ECM2: variants seen among roughly 807,000 people sequenced by gnomAD.
ECM2 encodes the protein extracellular matrix protein 2.
ECM2 carries 57 observed loss-of-function variants against 67.5 expected under a neutral mutation model. The ratio of observed to expected loss-of-function variants is 0.84; its 90% CI spans 0.68 to 1.05. ECM2 has a LOEUF of 1.05. Among genes scored for constraint, ECM2 ranks in the 50% least tolerant of loss-of-function variants. ECM2 has a pLI of 0.00. For missense variants in ECM2, 741 were observed against 822.8 expected (o/e 0.90, Z 1.22); for synonymous variants, 258 against 294.5 (o/e 0.88, Z 1.27).
In ECM2 at chr9:92,496,124, A is replaced by T. The variant is rs912890582; in HGVS notation, c.*191T>A. ...GAAACTGAGAGATTTTACCTTTACT[A>T]TTAATAAAACTCCTAGAGACTATAC... On this transcript the variant is annotated 3_prime_UTR_variant, in exon 10 of 10. Transcript: ENST00000344604. The T allele has an allele frequency of 2.5e-6, 3 of 1,222,946 alleles. No individual in the cohort carries two copies. In the Admixed American group the frequency reaches 1.4e-4, roughly 56 times the overall value. The allele number at this position is 1,222,946 out of a possible 1,614,324, so 75.8% of individuals were successfully genotyped here.
chr9:92,538,955 G>A (rs1849252392), upstream of ECM2: 2 of 151,966 alleles, frequency 1.3e-5, no homozygotes, highest in Admixed American at 6.6e-5. Flanking sequence ...TTTTTTTTAA[G>A]GATGCAATTG....
At chr9:92,500,197 T>C (rs548733451) in intron 9 of ECM2, among the ~76,000 whole-genome samples, 3 of 152,328 alleles carry the variant, frequency 2.0e-5, no homozygotes, top group African/African-American at 7.2e-5. Flanking sequence ...TTAATCTTTT[T>C]TTTGAGATGG....
intron 4 of ECM2, among the ~76,000 whole-genome samples, chr9:92,513,873 G>A: frequency 6.6e-6 from 1 of 152,040 alleles, no homozygotes; most frequent in East Asian, 1.9e-4. Context: ...TCAAAACTCA[G>A]AACTATATAC....
intron 2 of ECM2, among the ~76,000 whole-genome samples, chr9:92,520,602 C>T (rs888674614): frequency 2.8e-4 from 43 of 152,260 alleles, no homozygotes; most frequent in African/African-American, 1.0e-3. Flanking sequence ...CAGTTCCCCT[C>T]CTAAGTATAT....
At chr9:92,546,190 C>A in the ECM2 span, among the ~76,000 whole-genome samples, 2 of 152,138 alleles carry the variant, frequency 1.3e-5, no homozygotes, top group African/African-American at 2.4e-5. Context: ...CCAGTCAGTA[C>A]CCTGTCAAAA....
Position 92,495,754 on chromosome 9 carries a change from T to C in ECM2, c.*561A>G, listed in dbSNP as rs2131132411. ...AGGAAATTAACATTACAGTAGTGTT[T>C]TAATTTTACACATGTAATTAATGGA... On this transcript the variant is annotated 3_prime_UTR_variant, in exon 10 of 10. Transcript: ENST00000344604. 3.2e-6 allele frequency: 3 copies of C among 939,452 alleles called. No homozygotes were observed. The South Asian group carries it at 1.5e-4, about 46-fold the overall frequency. The allele number at this position is 939,452 out of a possible 1,614,324, so 58.2% of individuals were successfully genotyped here.
intron 4 of ECM2, among the ~76,000 whole-genome samples, chr9:92,513,634 A>G (rs1022718128): frequency 6.6e-6 from 1 of 152,230 alleles, no homozygotes; most frequent in African/African-American, 2.4e-5. Flanking sequence ...CTGATACACA[A>G]AACAAAATGG....
chr9:92,526,677 A>T (rs911146692), intron 1 of ECM2, among the ~76,000 whole-genome samples: 12 of 152,002 alleles, frequency 7.9e-5, no homozygotes, highest in Non-Finnish European at 1.6e-4. Flanking sequence ...CAAAGAAAAA[A>T]AAGAGGAATG....
At chr9:92,533,328 A>AAAAAAAAAT (rs1554683138) in intron 1 of ECM2, among the ~76,000 whole-genome samples, 9 of 38,338 alleles carry the variant, frequency 2.3e-4, no homozygotes, top group East Asian at 7.4e-4. Flanking sequence ...AAAAAAAAAA[A>AAAAAAAAAT]ATATATATAT....
chr9:92,494,023 T>G, downstream of ECM2: 1 of 1,565,360 alleles, frequency 6.4e-7, no homozygotes, highest in Non-Finnish European at 8.7e-7. Flanking sequence ...TGTCACCCAT[T>G]TTTCTGACTG....
At position 92,500,829 on chromosome 9, in the gene ECM2, A is replaced by G; in HGVS notation, c.1829T>C (p.Leu610Pro). The change falls in exon 9 of 10, where the codon CTG becomes CCG. Residue 610 changes from leucine to proline, a missense_variant. By Grantham distance (98) the Leu-to-Pro change is moderately conservative. Coordinates refer to ENST00000344604, the MANE Select transcript of ECM2 (RefSeq NM_001393.4). ...ATTGTGATCCAGAAATAATTCTCTC[A>G]GAGAATGATATGCCCCATAGAAGGA... ...RVSFYGAYHS[L>P]RELFLDHNDL... 1 of 1,614,224 alleles carries G rather than the reference A, an allele frequency of 6.2e-7. No individual in the cohort carries two copies. Among genetic ancestry groups the G allele is most frequent in the Non-Finnish European group, 8.5e-7 (1 of 1,180,038 alleles).
At chr9:92,544,402 G>C in the ECM2 span, among the ~76,000 whole-genome samples, 2 of 152,312 alleles carry the variant, frequency 1.3e-5, no homozygotes, top group Admixed American at 1.3e-4. Context: ...CTTGAATCTT[G>C]GAGGCAGAGG....
In ECM2 at chr9:92,500,686, A is replaced by T. The variant is rs1210935102; in HGVS notation, c.1931+41T>A. The T allele has an allele frequency of 4.5e-6, 7 of 1,563,874 alleles. No individual in the cohort carries two copies. In the East Asian group the frequency reaches 1.6e-4, roughly 35 times the overall value. ...TGGTTGTTTTATCATATATTTTGCC[A>T]ACCAAAATTTAAACAGATACTTGAA... On this transcript the variant is annotated intron_variant, in intron 9 of 9. Coordinates refer to ENST00000344604, the MANE Select transcript of ECM2 (RefSeq NM_001393.4).
chr9:92,556,880 G>A, the ECM2 span, among the ~76,000 whole-genome samples: 1 of 151,846 alleles, frequency 6.6e-6, no homozygotes, highest in African/African-American at 2.4e-5. Context: ...GGGTTTTTTT[G>A]TTTTTTGCTT....
At chr9:92,509,569 AC>A (rs1266087208) in intron 6 of ECM2, among the ~76,000 whole-genome samples, 1 of 152,170 alleles carries the variant, frequency 6.6e-6, no homozygotes, top group African/African-American at 2.4e-5. Flanking sequence ...GATCCATAAC[AC>A]AAAACACATG....
At chr9:92,518,814 A>G (rs1056533977) in intron 2 of ECM2, among the ~76,000 whole-genome samples, 5 of 152,152 alleles carry the variant, frequency 3.3e-5, no homozygotes, top group African/African-American at 1.2e-4. Context: ...GCTTGAACCC[A>G]GGAGGTGGAG....
At chr9:92,506,056 G>T (rs987146028) in intron 6 of ECM2, among the ~76,000 whole-genome samples, 1 of 152,236 alleles carries the variant, frequency 6.6e-6, no homozygotes, top group African/African-American at 2.4e-5. Flanking sequence ...TGGAATTCAG[G>T]TAGGAAAGGA....
At position 92,532,032 on chromosome 9, in the gene ECM2, TTA is replaced by T. The variant is rs1466785567; in HGVS notation, c.-28+3899_-28+3900del. Reference sequence around the variant, plus strand: ...TATTTAATGTTTTTTTTTTTTTATTTTATTTTTTTTTTGAGATGAGGTCTCAC... The same window carrying T: ...TATTTAATGTTTTTTTTTTTTTATTTTTTTTTTTTTGAGATGAGGTCTCAC... On this transcript the variant is annotated intron_variant, in intron 1 of 9. Coordinates refer to ENST00000344604, the MANE Select transcript of ECM2 (RefSeq NM_001393.4). Among the ~76,000 whole-genome samples, 601 of 132,582 alleles carry T rather than the reference TTA, an allele frequency of 4.5e-3. 121 individuals carry two copies. Among genetic ancestry groups the T allele is most frequent in the Non-Finnish European group, 5.5e-3 (349 of 63,406 alleles). The allele number at this position is 132,582 out of a possible 152,430, so 87.0% of individuals were successfully genotyped here. A position where few individuals can be genotyped will look rare whatever the true frequency, so the allele number is the denominator to read the frequency against.
the ECM2 span, among the ~76,000 whole-genome samples, chr9:92,546,721 G>A: frequency 5.5e-3 from 844 of 152,224 alleles, 8 homozygotes; most frequent in African/African-American, 0.019. Context: ...CAAGAACCCA[G>A]CAGTTCTGCA....
Sources: gnomAD v4.1 joint callset for allele counts (sites outside exome capture counted in the v4.1 genomes callset) on GRCh38, gnomAD v4.1.1 for gene constraint, MANE v1.5 for transcripts, NCBI Gene and HGNC (gene_info 2026-07-23, HGNC 2026-07-21) for gene names.